The following ARHGAP31 variants were observed in gnomAD, a reference collection of about 807,000 sequenced individuals.
ARHGAP31 encodes the protein rho GTPase-activating protein 31.
In ARHGAP31, 34 loss-of-function variants were observed where a neutral mutation model predicts 113.9. The ratio of observed to expected loss-of-function variants is 0.30; its 90% CI spans 0.23 to 0.40. ARHGAP31 has a LOEUF of 0.40. Ranked by LOEUF, ARHGAP31 falls within the 10% of genes least tolerant of loss-of-function variation. The probability of loss-of-function intolerance (pLI) is 1.00; values close to 1 mark genes in which losing one functional copy is unlikely to be tolerated. For synonymous variants in ARHGAP31, 650 were observed against 684.8 expected, an observed-to-expected ratio of 0.95 and a Z score of 0.79; for missense variants, 1,548 against 1,767.1, an observed-to-expected ratio of 0.88 and a Z score of 2.22.
chr3:119,344,206 A>T lies in ARHGAP31; in HGVS notation c.101-21110A>T, dbSNP rs1442219669. On this transcript the variant is annotated intron_variant, in intron 1 of 11. Transcript: ENST00000264245. ...TGGGGGCATACTGATACAAGAAATTATTCATTATTTATCCGAAATTCAAAT... is the reference window on the plus strand; with the variant it reads ...TGGGGGCATACTGATACAAGAAATTTTTCATTATTTATCCGAAATTCAAAT... 6.6e-5 allele frequency among the ~76,000 whole-genome samples: 10 copies of T among 152,378 alleles called. No individual in the cohort carries two copies. In the South Asian group the frequency reaches 1.7e-3, roughly 25 times the overall value.
At chr3:119,330,653 C>G (rs2079884505) in intron 1 of ARHGAP31, among the ~76,000 whole-genome samples, 1 of 152,186 alleles carries the variant, frequency 6.6e-6, no homozygotes, top group Non-Finnish European at 1.5e-5. Flanking sequence ...TCCCAGCTTC[C>G]TCATCTAAAC....
At chr3:119,369,535 C>T (rs138296385) in intron 3 of ARHGAP31, among the ~76,000 whole-genome samples, 12 of 152,204 alleles carry the variant, frequency 7.9e-5, no homozygotes, top group African/African-American at 2.6e-4. Context: ...CTCATGGCTC[C>T]TGTAATAAAT....
intron 1 of ARHGAP31, among the ~76,000 whole-genome samples, chr3:119,355,536 T>C (rs2080147741): frequency 6.6e-6 from 1 of 151,928 alleles, no homozygotes; most frequent in African/African-American, 2.4e-5. Context: ...GTGCACAACG[T>C]GCAGGTTTGT....
chr3:119,339,961 G>T (rs1480385211), intron 1 of ARHGAP31, among the ~76,000 whole-genome samples: 1 of 152,198 alleles, frequency 6.6e-6, no homozygotes, highest in Non-Finnish European at 1.5e-5. Flanking sequence ...CTCTGCAAAA[G>T]ACCTTGTTAA....
chr3:119,416,235 G>A lies in ARHGAP31; in HGVS notation c.4306G>A (p.Asp1436Asn). 6.2e-7 allele frequency: 1 copy of A among 1,614,168 alleles called. No individual in the cohort carries two copies. The highest frequency in any genetic ancestry group is 8.5e-7 in the Non-Finnish European group (1 of 1,180,032). Residue 1436 changes from aspartate (D) to asparagine (N), a missense_variant, in exon 12 of 12, where the codon GAT becomes AAT. By Grantham distance (23) the Asp-to-Asn change is conservative. Transcript: ENST00000264245. The part of the protein sequence containing the change: ...YQPQRRSVIL[D>N]GRSGRQIE ...GCCTCAGCGGAGATCAGTAATTCTG[G>A]ATGGAAGAAGTGGGAGGCAAATAGA...
chr3:119,413,727 G>A lies in ARHGAP31; in HGVS notation c.1927-129G>A, dbSNP rs2080739002. 34 of 1,254,250 alleles carry A rather than the reference G, an allele frequency of 2.7e-5. 1 individual carries two copies. The South Asian group carries it at 4.3e-4, about 16-fold the overall frequency. 77.7% of individuals were successfully genotyped at this position (1,254,250 alleles called of 1,614,324 possible). A position where few individuals can be genotyped will look rare whatever the true frequency, so the allele number is the denominator to read the frequency against. On this transcript the variant is annotated intron_variant, in intron 11 of 11. Transcript: ENST00000264245. ...ACTCAAATAGCCACAGGTATTATCGGTGCTGCATCCTGTATTTGCTGAACT... is the reference window on the plus strand; with the variant it reads ...ACTCAAATAGCCACAGGTATTATCGATGCTGCATCCTGTATTTGCTGAACT...
At chr3:119,304,026 C>A (rs2079609219) in intron 1 of ARHGAP31, among the ~76,000 whole-genome samples, 1 of 152,088 alleles carries the variant, frequency 6.6e-6, no homozygotes, top group African/African-American at 2.4e-5. Flanking sequence ...AAACTCCTGA[C>A]CTCGTGATCC....
rs538451583 is a variant in ARHGAP31, at chr3:119,381,965, G to C, written c.432-327G>C. 3.4e-4 allele frequency among the ~76,000 whole-genome samples: 47 copies of C among 136,634 alleles called. No homozygotes were observed. The South Asian group carries it at 4.0e-3, about 12-fold the overall frequency. 89.6% of individuals were successfully genotyped at this position (136,634 alleles called of 152,430 possible). On this transcript the variant is annotated intron_variant, in intron 4 of 11. Coordinates refer to ENST00000264245, the MANE Select transcript of ARHGAP31 (RefSeq NM_020754.4). The stretch of plus-strand genomic sequence containing the variant: ...CGCGCCACTGCACTCCAGCCTGGGC[G>C]ACAGAGCGAGACTCCGTCTCAAAAA...
rs765622063 is a variant in ARHGAP31 at position 119,402,040 on chromosome 3, G to C, written c.1288G>C (p.Glu430Gln). 1 of 1,614,194 alleles carries C rather than the reference G, an allele frequency of 6.2e-7. No individual in the cohort carries two copies. The highest frequency in any genetic ancestry group is 1.7e-5 in the Admixed American group (1 of 60,032). ...GGGCGCTCAGGCCCGGCCCCCACCG[G>C]AACAGCTGAAGGTTTTCCGGCCTGT... is the stretch of plus-strand genomic sequence containing the variant. Reference protein sequence around the residue: ...LQGAQARPPPEQLKVFRPVED... With the variant: ...LQGAQARPPPQQLKVFRPVED... The change falls in exon 10 of 12, where the codon GAA becomes CAA. Residue 430 changes from glutamate (E) to glutamine (Q), a missense_variant. By Grantham distance (29) the Glu-to-Gln change is conservative (BLOSUM62 2). Coordinates refer to ENST00000264245, the MANE Select transcript of ARHGAP31 (RefSeq NM_020754.4).
intron 1 of ARHGAP31, among the ~76,000 whole-genome samples, chr3:119,324,478 A>G (rs769775988): frequency 2.0e-5 from 3 of 152,338 alleles, no homozygotes; most frequent in Admixed American, 1.3e-4. Context: ...TCAGAAAAAT[A>G]AAAAATTAGC....
chr3:119,378,093 A>C (rs1391032941), intron 3 of ARHGAP31, among the ~76,000 whole-genome samples: 1 of 152,174 alleles, frequency 6.6e-6, no homozygotes, highest in African/African-American at 2.4e-5. Flanking sequence ...TGATTTGAAA[A>C]GAACAAATAG....
At chr3:119,394,769 A>T (rs2080533835) in intron 8 of ARHGAP31, among the ~76,000 whole-genome samples, 2 of 152,192 alleles carry the variant, frequency 1.3e-5, no homozygotes, top group South Asian at 2.1e-4. Context: ...AGCCTGAGGA[A>T]CATAGCAAAA....
intron 1 of ARHGAP31, among the ~76,000 whole-genome samples, chr3:119,353,338 G>C (rs1350197248): frequency 2.0e-5 from 3 of 152,106 alleles, no homozygotes; most frequent in African/African-American, 7.2e-5. Flanking sequence ...AAGAACTTTT[G>C]TTACAATTTT....
intron 1 of ARHGAP31, among the ~76,000 whole-genome samples, chr3:119,309,919 T>G (rs914783846): frequency 2.0e-5 from 3 of 150,616 alleles, no homozygotes; most frequent in African/African-American, 7.3e-5. Flanking sequence ...AATGCTCACA[T>G]GCCTGGGAAG....
chr3:119,324,181 C>T (rs1292531480), intron 1 of ARHGAP31, among the ~76,000 whole-genome samples: 2 of 152,114 alleles, frequency 1.3e-5, no homozygotes, highest in African/African-American at 2.4e-5. Context: ...TAGAATATAC[C>T]CTTGTCTAGC....
At chr3:119,335,220 G>A (rs952943106) in intron 1 of ARHGAP31, among the ~76,000 whole-genome samples, 17 of 152,154 alleles carry the variant, frequency 1.1e-4, no homozygotes, top group African/African-American at 1.7e-4. Flanking sequence ...GATTTCTATC[G>A]TAGTTCTTTC....
At chr3:119,399,571 G>A (rs2107639379) in intron 9 of ARHGAP31, among the ~76,000 whole-genome samples, 1 of 152,334 alleles carries the variant, frequency 6.6e-6, no homozygotes, top group East Asian at 1.9e-4. Context: ...GAAACCTAAG[G>A]CAGAAGAGTC....
intron 1 of ARHGAP31, among the ~76,000 whole-genome samples, chr3:119,327,312 G>T (rs2079854498): frequency 6.6e-6 from 1 of 152,098 alleles, no homozygotes; most frequent in African/African-American, 2.4e-5. Context: ...GGAGGTTGAG[G>T]TGGGCGGATC....
intron 8 of ARHGAP31, 108 bp downstream of exon 8, chr3:119,393,699 TTATAAA>T: frequency 4.1e-6 from 6 of 1,466,006 alleles, no homozygotes; most frequent in Non-Finnish European, 5.6e-6. Flanking sequence ...AAAGAGAAAC[TTATAAA>T]TTAACTAGGG....
Sources: gnomAD v4.1 joint callset for allele counts (sites outside exome capture counted in the v4.1 genomes callset) on GRCh38, gnomAD v4.1.1 for gene constraint, MANE v1.5 for transcripts, NCBI Gene and HGNC (gene_info 2026-07-23, HGNC 2026-07-21) for gene names.